ETV6: variants seen among roughly 807,000 people sequenced by gnomAD.
ETV6 encodes ETS variant transcription factor 6.
A neutral mutation model predicts 51.1 loss-of-function variants in ETV6; 16 were observed. The observed-to-expected ratio is 0.31, with a 90% confidence interval of 0.21 to 0.48. The LOEUF is 0.48. ETV6 is among the 20% of genes least tolerant of loss of function. The pLI is 0.99. For missense variants in ETV6, 458 were observed against 594.8 expected (o/e 0.77, Z 2.39); for synonymous variants, 240 against 224.1 (o/e 1.07, Z -0.64).
chr12:11,858,886 C>A (rs1591725682), intron 4 of ETV6, among the ~76,000 whole-genome samples: 1 of 152,034 alleles, frequency 6.6e-6, no homozygotes, highest in South Asian at 2.1e-4. Context: ...TTACAACTAG[C>A]ACATGGGAAT....
chr12:11,760,906 G>GTATA (rs1279427588), intron 2 of ETV6, among the ~76,000 whole-genome samples: 16 of 150,564 alleles, frequency 1.1e-4, no homozygotes, highest in Admixed American at 3.3e-4. Context: ...GTGTGTGTGT[G>GTATA]TGTATATAAA....
intron 7 of ETV6, among the ~76,000 whole-genome samples, chr12:11,888,284 G>C (rs1947229607): frequency 2.0e-5 from 3 of 152,046 alleles, no homozygotes; most frequent in Admixed American, 6.6e-5. Context: ...CTGTTGCCCT[G>C]AATGAGGCCT....
At chr12:11,704,425 C>T (rs1286850114) in intron 1 of ETV6, among the ~76,000 whole-genome samples, 2 of 152,184 alleles carry the variant, frequency 1.3e-5, no homozygotes, top group South Asian at 4.2e-4. Context: ...CAGCTCACTG[C>T]AACCTCTGCC....
intron 1 of ETV6, among the ~76,000 whole-genome samples, chr12:11,697,981 T>C (rs1372351973): frequency 6.6e-6 from 1 of 152,206 alleles, no homozygotes; most frequent in Non-Finnish European, 1.5e-5. Context: ...ACTTGCCTAA[T>C]TTGAAAATAA....
chr12:11,772,850 A>G (rs1203066290), intron 2 of ETV6, among the ~76,000 whole-genome samples: 1 of 152,170 alleles, frequency 6.6e-6, no homozygotes, highest in Non-Finnish European at 1.5e-5. Flanking sequence ...CTCATACCAT[A>G]AAGCTGTTTC....
rs560158662 is a variant in ETV6 at position 11,778,396 on chromosome 12, T to C, written c.163+25817T>C. Among the ~76,000 whole-genome samples, 5 of 152,340 alleles carry C rather than the reference T, an allele frequency of 3.3e-5. No individual in the cohort carries two copies. In the South Asian group the frequency reaches 1.0e-3, roughly 32 times the overall value. On this transcript the variant is annotated intron_variant, in intron 2 of 7. Coordinates refer to ENST00000396373, the MANE Select transcript of ETV6 (RefSeq NM_001987.5). ...AGAGGTGTCCCTAGAAGAAACTTTT[T>C]TCCCAGAAAATGAGGCCTGGCTGGT...
chr12:11,696,833 AAAAT>A (rs1338393829), intron 1 of ETV6, among the ~76,000 whole-genome samples: 5 of 152,148 alleles, frequency 3.3e-5, no homozygotes, highest in African/African-American at 1.2e-4. Context: ...AATAATAATA[AAAAT>A]AAATAAGTTC....
intron 4 of ETV6, among the ~76,000 whole-genome samples, chr12:11,866,146 C>T (rs564586365): frequency 7.9e-5 from 12 of 151,858 alleles, no homozygotes; most frequent in East Asian, 5.8e-4. Flanking sequence ...CCATCTAGTC[C>T]GGTCTTTCAT....
In ETV6 at chr12:11,886,028, T is replaced by C; in HGVS notation, c.1253+2T>C. 6.2e-7 allele frequency: 1 copy of C among 1,602,202 alleles called. No homozygotes were observed. The highest frequency in any genetic ancestry group is 8.5e-7 in the Non-Finnish European group (1 of 1,169,752). On this transcript the variant is annotated splice_donor_variant, in intron 7 of 7. Coordinates refer to ENST00000396373, the MANE Select transcript of ETV6 (RefSeq NM_001987.5). LOFTEE classifies it high-confidence loss of function. Reference sequence around the variant, plus strand: ...GCCAGGACAAAGGCTTTTGTTCAGGTAGCACTTCCTTTTTCTCCTTTCCTT... The same window carrying C: ...GCCAGGACAAAGGCTTTTGTTCAGGCAGCACTTCCTTTTTCTCCTTTCCTT...
At chr12:11,705,728 A>G (rs1865062172) in intron 1 of ETV6, among the ~76,000 whole-genome samples, 2 of 152,262 alleles carry the variant, frequency 1.3e-5, no homozygotes, top group Admixed American at 6.5e-5. Flanking sequence ...GGGTGCCCTC[A>G]TAATGAAAAG....
chr12:11,738,134 C>G (rs962547223), intron 1 of ETV6, among the ~76,000 whole-genome samples: 1 of 152,006 alleles, frequency 6.6e-6, no homozygotes, highest in Non-Finnish European at 1.5e-5. Context: ...GGTGCAACAT[C>G]AGTCACAGCA....
chr12:11,821,165 AT>A (rs1304091345), intron 2 of ETV6, among the ~76,000 whole-genome samples: 1 of 151,518 alleles, frequency 6.6e-6, no homozygotes, highest in Non-Finnish European at 1.5e-5. Context: ...GATCCAGACC[AT>A]CCTGGCTAAC....
intron 2 of ETV6, among the ~76,000 whole-genome samples, chr12:11,798,826 C>T (rs1945710918): frequency 6.6e-6 from 1 of 152,122 alleles, no homozygotes. Flanking sequence ...CTCTTGAGTC[C>T]ATTTTGCTAG....
At chr12:11,856,463 A>G (rs1591723925) in intron 4 of ETV6, among the ~76,000 whole-genome samples, 1 of 152,216 alleles carries the variant, frequency 6.6e-6, no homozygotes, top group East Asian at 1.9e-4. Context: ...CATGTGCTCC[A>G]GTGAACAGGT....
chr12:11,845,590 G>C (rs1946449225), intron 3 of ETV6, among the ~76,000 whole-genome samples: 1 of 152,118 alleles, frequency 6.6e-6, no homozygotes, highest in South Asian at 2.1e-4. Context: ...TCAAATATTT[G>C]TTGCTAAGTA....
At chr12:11,829,229 A>G (rs11836917) in intron 2 of ETV6, among the ~76,000 whole-genome samples, 51,671 of 152,030 alleles carry the variant, frequency 0.34, 9,827 homozygotes, top group African/African-American at 0.5. Flanking sequence ...CACGGGACAA[A>G]GTACAACTCA....
chr12:11,654,405 G>T lies in ETV6; in HGVS notation c.33+4245G>T, dbSNP rs146063588. 7.2e-5 allele frequency among the ~76,000 whole-genome samples: 11 copies of T among 152,294 alleles called. 1 individual carries two copies. In the East Asian group the frequency reaches 1.9e-3, roughly 27 times the overall value. The stretch of plus-strand genomic sequence containing the variant: ...CTTCAACCCATGGGTGAGTGAGCCA[G>T]GTTTGGAGGACACAGGCCTACAGGT... On this transcript the variant is annotated intron_variant, in intron 1 of 7. Transcript: ENST00000396373.
chr12:11,673,366 G>C lies in ETV6; in HGVS notation c.33+23206G>C, dbSNP rs543334128. ...AGGGAGGGCTGATGTTGGAGAGAAG[G>C]GCTCATACTACAAATCAGAATAAAA... On this transcript the variant is annotated intron_variant, in intron 1 of 7. Transcript: ENST00000396373. Among the ~76,000 whole-genome samples the C allele has an allele frequency of 2.2e-4, 33 of 152,132 alleles. No homozygotes were observed. In the South Asian group the frequency reaches 6.5e-3, roughly 30 times the overall value.
chr12:11,881,160 A>G (rs1262740990), intron 5 of ETV6, among the ~76,000 whole-genome samples: 1 of 151,664 alleles, frequency 6.6e-6, no homozygotes, highest in East Asian at 1.9e-4. Flanking sequence ...CTGGTCTTGA[A>G]CTCCCGGACT....
Sources: gnomAD v4.1 joint callset for allele counts (sites outside exome capture counted in the v4.1 genomes callset) on GRCh38, gnomAD v4.1.1 for gene constraint, MANE v1.5 for transcripts, NCBI Gene and HGNC (gene_info 2026-07-23, HGNC 2026-07-21) for gene names.